The following MAML2 variants were observed in gnomAD, a reference collection of about 807,000 sequenced individuals.
MAML2 encodes mastermind-like protein 2.
A neutral mutation model predicts 96.1 loss-of-function variants in MAML2; 22 were observed. The observed-to-expected ratio is 0.23, with a 90% CI of 0.16 to 0.33. The LOEUF (loss-of-function observed/expected upper bound fraction) is 0.33. Ranked by LOEUF, MAML2 falls within the 10% of genes least tolerant of loss-of-function variation. The pLI is 1.00. For missense variants in MAML2, 1,367 were observed against 1,392.4 expected, an observed-to-expected ratio of 0.98 and a Z score of 0.29; for synonymous variants, 561 against 521.3, an observed-to-expected ratio of 1.08 and a Z score of -1.04.
At chr11:96,190,389 C>G (rs1310144400) in intron 1 of MAML2, among the ~76,000 whole-genome samples, 1 of 152,112 alleles carries the variant, frequency 6.6e-6, no homozygotes, top group East Asian at 1.9e-4. Flanking sequence ...TTTACTGGCC[C>G]ACAGAATCCA....
rs202104982 is a variant in MAML2 at position 96,159,405 on chromosome 11, TTC to T, written c.514-65890_514-65889del. Among the ~76,000 whole-genome samples the T allele has an allele frequency of 4.4e-4, 45 of 102,140 alleles. 9 individuals carry two copies. The highest frequency in any genetic ancestry group is 4.2e-4 in the Non-Finnish European group (21 of 50,004). The allele number at this position is 102,140 out of a possible 152,430, so 67.0% of individuals were successfully genotyped here. A position where few individuals can be genotyped will look rare whatever the true frequency, so the allele number is the denominator to read the frequency against. On this transcript the variant is annotated intron_variant, in intron 1 of 4. Coordinates refer to ENST00000524717, the MANE Select transcript of MAML2 (RefSeq NM_032427.4). ...ACTAACCGTGCCTCTAAACCACTGA[TTC>T]TTTTTTTTTTTTTTTTTTTTTTTGA...
chr11:96,129,146 G>A (rs934980859), intron 1 of MAML2, among the ~76,000 whole-genome samples: 2 of 152,154 alleles, frequency 1.3e-5, no homozygotes, highest in Non-Finnish European at 2.9e-5. Flanking sequence ...CAGCCGTTAT[G>A]TTCAACTTAG....
intron 1 of MAML2, 22 bp downstream of exon 1, chr11:96,341,361 C>G (rs1452904500): frequency 1.3e-6 from 2 of 1,499,346 alleles, no homozygotes; most frequent in South Asian, 2.7e-5. Flanking sequence ...CAGCCAGAAC[C>G]ATGAGAAAGC....
chr11:96,045,857 C>A (rs7104607), intron 2 of MAML2, among the ~76,000 whole-genome samples: 2 of 150,120 alleles, frequency 1.3e-5, no homozygotes, highest in Admixed American at 6.6e-5. Context: ...TCCCTCGTAA[C>A]CTTTTGCTGC....
intron 1 of MAML2, among the ~76,000 whole-genome samples, chr11:96,294,625 C>T (rs1298637963): frequency 2.6e-5 from 4 of 152,242 alleles, no homozygotes; most frequent in African/African-American, 7.2e-5. Context: ...TCACATGTAA[C>T]GAATTCTTAC....
In MAML2 at chr11:95,978,243, G is replaced by C. The variant is rs779760718; in HGVS notation, c.*705C>G. ...TAAAATTTCATTTGGAATGGATTCA[G>C]ATATTCGTTGTGGAAGCCAAAATCA... On this transcript the variant is annotated 3_prime_UTR_variant, in exon 5 of 5. Transcript: ENST00000524717. The C allele has an allele frequency of 4.8e-6, 1 of 206,624 alleles. No homozygotes were observed. Among genetic ancestry groups the C allele is most frequent in the Admixed American group, 5.9e-5 (1 of 16,864 alleles). 12.8% of individuals were successfully genotyped at this position (206,624 alleles called of 1,614,324 possible).
At chr11:96,122,062 G>A (rs1591025842) in intron 1 of MAML2, among the ~76,000 whole-genome samples, 1 of 141,884 alleles carries the variant, frequency 7.0e-6, no homozygotes, top group South Asian at 2.3e-4. Context: ...CGCCTGCCTC[G>A]GCCTCCCAAA....
chr11:96,053,658 G>A (rs1005161569), intron 2 of MAML2, among the ~76,000 whole-genome samples: 3 of 152,138 alleles, frequency 2.0e-5, no homozygotes, highest in African/African-American at 7.2e-5. Flanking sequence ...GATGAATTAG[G>A]AGAAAACACT....
chr11:96,332,526 A>G (rs988746134), intron 1 of MAML2, among the ~76,000 whole-genome samples: 1 of 152,198 alleles, frequency 6.6e-6, no homozygotes, highest in Non-Finnish European at 1.5e-5. Flanking sequence ...CCCAAACTTT[A>G]CTAAACGGTT....
At chr11:96,083,348 A>G (rs1197317246) in intron 2 of MAML2, among the ~76,000 whole-genome samples, 1 of 152,192 alleles carries the variant, frequency 6.6e-6, no homozygotes, top group Non-Finnish European at 1.5e-5. Flanking sequence ...AAAAAAAGTC[A>G]CTTGGAGTAT....
chr11:96,059,159 A>T (rs761694503), intron 2 of MAML2, among the ~76,000 whole-genome samples: 1 of 152,214 alleles, frequency 6.6e-6, no homozygotes, highest in Non-Finnish European at 1.5e-5. Context: ...AGGGTAAGTT[A>T]GTAAGAAGGT....
intron 1 of MAML2, among the ~76,000 whole-genome samples, chr11:96,128,115 C>T (rs1202307801): frequency 6.6e-6 from 1 of 152,068 alleles, no homozygotes; most frequent in African/African-American, 2.4e-5. Flanking sequence ...CTAATCCAGC[C>T]GTGTGCAGTG....
chr11:96,106,270 A>G (rs1860019172), intron 1 of MAML2, among the ~76,000 whole-genome samples: 2 of 152,190 alleles, frequency 1.3e-5, no homozygotes, highest in African/African-American at 4.8e-5. Flanking sequence ...CCTCACCTAT[A>G]TTGAAAAATA....
intron 2 of MAML2, among the ~76,000 whole-genome samples, chr11:96,023,214 A>G (rs1858463034): frequency 6.6e-6 from 1 of 152,192 alleles, no homozygotes; most frequent in Admixed American, 6.5e-5. Flanking sequence ...AGGGAGGTTC[A>G]ACCACACTGC....
chr11:96,047,930 A>AAAAAAAAAAAAAAG (rs1555001442), intron 2 of MAML2, among the ~76,000 whole-genome samples: 6 of 127,390 alleles, frequency 4.7e-5, no homozygotes, highest in African/African-American at 8.2e-5. Flanking sequence ...AAAAAAAAAA[A>AAAAAAAAAAAAAAG]AAAAGAAAAA....
intron 2 of MAML2, among the ~76,000 whole-genome samples, chr11:96,042,780 T>C (rs956383131): frequency 4.2e-5 from 6 of 143,880 alleles, no homozygotes; most frequent in African/African-American, 7.7e-5. Context: ...AGTCTAGCTC[T>C]GTCACCCAGG....
intron 1 of MAML2, among the ~76,000 whole-genome samples, chr11:96,217,711 G>A (rs1317213261): frequency 6.6e-6 from 1 of 152,192 alleles, no homozygotes; most frequent in Non-Finnish European, 1.5e-5. Context: ...CTGATGGAGT[G>A]AACGCCTTTT....
In MAML2 at chr11:95,979,276, T is replaced by C; in HGVS notation, c.3143A>G (p.Asn1048Ser). 1 of 1,613,910 alleles carries C rather than the reference T, an allele frequency of 6.2e-7. No individual in the cohort carries two copies. Among genetic ancestry groups the C allele is most frequent in the Non-Finnish European group, 8.5e-7 (1 of 1,179,848 alleles). The change falls in exon 5 of 5, where the codon AAT (asparagine) becomes AGT (serine). Residue 1048 changes from asparagine to serine, a missense_variant. By Grantham distance (46) the Asn-to-Ser change is conservative (BLOSUM62 1). Coordinates refer to ENST00000524717, the MANE Select transcript of MAML2 (RefSeq NM_032427.4). ...GQTMGPLRGL[N>S]LRPNQLSTQI... ...TGTGCTTAGCTGATTGGGTCTGAGA[T>C]TCAGACCCCTGAGGGGACCCATGGT...
At chr11:96,143,626 A>G (rs1860768718) in intron 1 of MAML2, among the ~76,000 whole-genome samples, 1 of 152,194 alleles carries the variant, frequency 6.6e-6, no homozygotes. Context: ...GTCCCTGTTC[A>G]GAGACAAATA....
Sources: gnomAD v4.1 joint callset for allele counts (sites outside exome capture counted in the v4.1 genomes callset) on GRCh38, gnomAD v4.1.1 for gene constraint, MANE v1.5 for transcripts, NCBI Gene and HGNC (gene_info 2026-07-23, HGNC 2026-07-21) for gene names.